The following B9D1 variants were observed in gnomAD, a reference collection of about 807,000 sequenced individuals.
B9D1 encodes the protein B9 domain-containing protein 1.
In B9D1, 20 loss-of-function variants were observed where a neutral mutation model predicts 26.1. The observed-to-expected ratio is 0.77, with a 90% CI of 0.54 to 1.12. The LOEUF is 1.12. Among genes scored for constraint, B9D1 ranks in the 50% most tolerant of loss-of-function variants. The pLI is 0.00. For missense variants in B9D1, 260 were observed against 273.7 expected, an observed-to-expected ratio of 0.95 and a Z score of 0.35; for synonymous variants, 105 against 103.1, an observed-to-expected ratio of 1.02 and a Z score of -0.11.
chr17:19,368,604 T>C (rs1156645962), intron 1 of B9D1, among the ~76,000 whole-genome samples: 1 of 152,142 alleles, frequency 6.6e-6, no homozygotes, highest in African/African-American at 2.4e-5. Context: ...GACAGACAAG[T>C]TGAATTGCTG....
chr17:19,358,778 C>T (rs1910677763), intron 2 of B9D1, among the ~76,000 whole-genome samples: 1 of 152,174 alleles, frequency 6.6e-6, no homozygotes, highest in South Asian at 2.1e-4. Flanking sequence ...TTTCAATGTG[C>T]TCTAGATGTC....
intron 3 of B9D1, among the ~76,000 whole-genome samples, chr17:19,354,792 C>T (rs536069224): frequency 5.3e-5 from 8 of 152,118 alleles, no homozygotes; most frequent in Non-Finnish European, 1.0e-4. Context: ...CGCGCCACTG[C>T]ACTACAGCCT....
intron 5 of B9D1, among the ~76,000 whole-genome samples, chr17:19,344,947 G>A (rs1908557468): frequency 6.6e-6 from 1 of 152,220 alleles, no homozygotes; most frequent in African/African-American, 2.4e-5. Flanking sequence ...TCTCCTTTGG[G>A]AGAGCAAGAC....
intron 1 of B9D1, 36 bp downstream of exon 1, chr17:19,362,471 G>A: frequency 6.7e-7 from 1 of 1,495,736 alleles, no homozygotes; most frequent in Non-Finnish European, 9.0e-7. Flanking sequence ...GGGGGACGCT[G>A]GGGGGCGGGC....
At chr17:19,343,591 C>T in intron 6 of B9D1, 130 bp from the exon 7 acceptor site, 1 of 1,575,138 alleles carries the variant, frequency 6.3e-7, no homozygotes. Flanking sequence ...AAGCCCCTCA[C>T]TGGGAGGTAA....
chr17:19,369,869 T>C (rs1911801553), intron 1 of B9D1, among the ~76,000 whole-genome samples: 1 of 151,916 alleles, frequency 6.6e-6, no homozygotes, highest in Non-Finnish European at 1.5e-5. Context: ...CCCATGGCCA[T>C]TCCCTCCTCC....
chr17:19,354,004 A>T (rs1043702185), intron 3 of B9D1, among the ~76,000 whole-genome samples: 5 of 152,204 alleles, frequency 3.3e-5, no homozygotes, highest in African/African-American at 1.2e-4. Context: ...CCCTCTATCC[A>T]TGACTTTAAC....
chr17:19,347,840 G>GAACACATCT lies in B9D1; in HGVS notation c.276_284dup (p.Val94_Phe95insLeuAspVal). Reference sequence around the variant, plus strand: ...CATAGCCTCGAACCACATCGTTCCCGAACACATCTGGTCCATACACGCTGA... The same window carrying GAACACATCT: ...CATAGCCTCGAACCACATCGTTCCCGAACACATCTAACACATCTGGTCCATACACGCTGA... On this transcript the variant is annotated inframe_insertion, in exon 4 of 7. Coordinates refer to ENST00000261499, the MANE Select transcript of B9D1 (RefSeq NM_015681.6). The surrounding 1 kb of genome is among the most constrained non-coding windows in gnomAD (Gnocchi z 4.3). 1.2e-6 allele frequency: 2 copies of GAACACATCT among 1,614,070 alleles called. No individual in the cohort carries two copies. The highest frequency in any genetic ancestry group is 1.7e-6 in the Non-Finnish European group (2 of 1,180,014).
chr17:19,360,536 C>G, intron 1 of B9D1, 148 bp from the exon 2 acceptor site: 1 of 741,100 alleles, frequency 1.3e-6, no homozygotes, highest in Admixed American at 2.0e-5. Context: ...AGAGGAGAGG[C>G]TGAGGACCAA....
intron 1 of B9D1, among the ~76,000 whole-genome samples, chr17:19,373,126 A>G (rs1364502184): frequency 6.6e-6 from 1 of 152,126 alleles, no homozygotes; most frequent in Admixed American, 6.5e-5. Context: ...GCTACCCTGG[A>G]ACCCATGCTG....
At chr17:19,374,011 C>A (rs1203004772) in intron 1 of B9D1, among the ~76,000 whole-genome samples, 1 of 152,180 alleles carries the variant, frequency 6.6e-6, no homozygotes, top group Non-Finnish European at 1.5e-5. Context: ...CTCAAATGCC[C>A]ACTGTGGCCA....
At chr17:19,340,971 C>T (rs1907906466), downstream of B9D1, 1 of 313,234 alleles carries the variant, frequency 3.2e-6, no homozygotes, top group Non-Finnish European at 5.3e-6. Context: ...TGGATTGAAG[C>T]AGGGATGAAT....
chr17:19,377,429 T>G (rs1912192347), intron 1 of B9D1, among the ~76,000 whole-genome samples: 1 of 152,258 alleles, frequency 6.6e-6, no homozygotes, highest in African/African-American at 2.4e-5. Flanking sequence ...TGATATGGAA[T>G]GATCTTCAGG....
intron 5 of B9D1, among the ~76,000 whole-genome samples, chr17:19,344,992 G>A (rs80217065): frequency 0.028 from 4,279 of 152,344 alleles, 84 homozygotes; most frequent in Middle Eastern, 0.068. Context: ...GGCTATGTAT[G>A]AGGACTGGGG....
In B9D1 at chr17:19,347,766, G is replaced by A. The variant is rs1303381929; in HGVS notation, c.341+18C>T. 3 of 1,611,090 alleles carry A rather than the reference G, an allele frequency of 1.9e-6. No homozygotes were observed. The African/African-American group carries it at 4.0e-5, about 22-fold the overall frequency. ...AGGACAAGTCCTGCCCAGGGCCCAG[G>A]TCAGAATGAGGACCTACCGGCCAGG... On this transcript the variant is annotated intron_variant, in intron 4 of 6. Transcript: ENST00000261499. The surrounding 1 kb of genome is among the most constrained non-coding windows in gnomAD (Gnocchi z 4.3).
At chr17:19,357,777 C>A in intron 3 of B9D1, 63 bp downstream of exon 3, 1 of 1,190,514 alleles carries the variant, frequency 8.4e-7, no homozygotes, top group Non-Finnish European at 1.3e-6. Flanking sequence ...GAGGCAGAGG[C>A]TGTCTTGGGG....
At chr17:19,344,541 G>T in intron 5 of B9D1, 1 of 263,012 alleles carries the variant, frequency 3.8e-6, no homozygotes, top group South Asian at 3.0e-5. Context: ...GAAACAACCA[G>T]GAGCACTATT....
chr17:19,351,010 T>G (rs1017590967), intron 3 of B9D1, among the ~76,000 whole-genome samples: 1 of 152,066 alleles, frequency 6.6e-6, no homozygotes, highest in Non-Finnish European at 1.5e-5. Context: ...GGCTAATTTT[T>G]GTATTTTTAG....
intron 1 of B9D1, among the ~76,000 whole-genome samples, chr17:19,375,034 A>T (rs1257389375): frequency 6.6e-6 from 1 of 152,248 alleles, no homozygotes; most frequent in Non-Finnish European, 1.5e-5. Flanking sequence ...TCATGCCTGT[A>T]ATCCCAGCAC....
Sources: gnomAD v4.1 joint callset for allele counts (sites outside exome capture counted in the v4.1 genomes callset) on GRCh38, gnomAD v4.1.1 for gene constraint, Gnocchi (gnomAD v3.1) non-coding constraint, MANE v1.5 for transcripts, NCBI Gene and HGNC (gene_info 2026-07-23, HGNC 2026-07-21) for gene names.